AUTS2: variants seen among roughly 807,000 people sequenced by gnomAD.
AUTS2 encodes autism susceptibility gene 2 protein.
Under a neutral mutation model 112.4 loss-of-function variants are expected in AUTS2, and 17 were observed. That is an observed-to-expected ratio of 0.15 (90% CI 0.10 to 0.23). The LOEUF (loss-of-function observed/expected upper bound fraction) is 0.23, where lower values mean the gene tolerates loss of function less well. AUTS2 is among the 10% of genes least tolerant of loss of function. The pLI is 1.00. For synonymous variants in AUTS2, 751 were observed against 702.7 expected, an observed-to-expected ratio of 1.07 and a Z score of -1.09; for missense variants, 1,510 against 1,701.6, an observed-to-expected ratio of 0.89 and a Z score of 1.98.
At chr7:69,623,067 C>G (rs1326540388) in intron 1 of AUTS2, among the ~76,000 whole-genome samples, 1 of 152,164 alleles carries the variant, frequency 6.6e-6, no homozygotes, top group Non-Finnish European at 1.5e-5. Flanking sequence ...ATTTGCACAT[C>G]ACAAGTTCTT....
intron 4 of AUTS2, among the ~76,000 whole-genome samples, chr7:70,159,385 A>G (rs1258891604): frequency 6.6e-6 from 1 of 152,204 alleles, no homozygotes; most frequent in Non-Finnish European, 1.5e-5. Context: ...CTGATTTTGT[A>G]TGTCAATCAA....
At chr7:70,040,057 A>G (rs1204556945) in intron 2 of AUTS2, among the ~76,000 whole-genome samples, 2 of 152,214 alleles carry the variant, frequency 1.3e-5, no homozygotes, top group African/African-American at 4.8e-5. Flanking sequence ...AGTGGTTGCT[A>G]GGAGTTGGGG....
intron 5 of AUTS2, among the ~76,000 whole-genome samples, chr7:70,586,359 T>C (rs1045950921): frequency 6.6e-6 from 1 of 152,190 alleles, no homozygotes; most frequent in Non-Finnish European, 1.5e-5. Context: ...TGTATTCTTA[T>C]GTTATCCTAT....
chr7:70,324,380 A>T (rs1790390966), intron 4 of AUTS2, among the ~76,000 whole-genome samples: 2 of 152,194 alleles, frequency 1.3e-5, no homozygotes, highest in South Asian at 4.1e-4. Flanking sequence ...CATTGAAAAA[A>T]AATTGCCAAG....
In AUTS2 at chr7:69,677,629, G is replaced by A. The variant is rs549387839; in HGVS notation, c.309+77667G>A. Among the ~76,000 whole-genome samples, 7 of 152,258 alleles carry A rather than the reference G, an allele frequency of 4.6e-5. No individual in the cohort carries two copies. The South Asian group carries it at 8.3e-4, about 18-fold the overall frequency. ...ATGATCTAATCTGGGTTTGAGTTTC[G>A]TTTTTGAAGTCACCAGTTTTTATTT... On this transcript the variant is annotated intron_variant, in intron 1 of 18. Transcript: ENST00000342771.
chr7:69,876,349 A>AAT (rs61416382), intron 1 of AUTS2, among the ~76,000 whole-genome samples: 2,649 of 29,466 alleles, frequency 0.09, 135 homozygotes, highest in Non-Finnish European at 0.1. Context: ...AAAAAAAAAA[A>AAT]ATATATATAT....
intron 4 of AUTS2, chr7:70,290,744 A>G (rs1411877333): frequency 9.0e-6 from 9 of 1,003,156 alleles, no homozygotes; most frequent in Non-Finnish European, 1.2e-5. Flanking sequence ...GCATTAAGCT[A>G]TGACTGTAAC....
intron 5 of AUTS2, among the ~76,000 whole-genome samples, chr7:70,584,660 C>T (rs756855840): frequency 6.6e-6 from 1 of 152,230 alleles, no homozygotes; most frequent in African/African-American, 2.4e-5. Context: ...AGAGACAGGC[C>T]GAGAACGCCA....
intron 2 of AUTS2, among the ~76,000 whole-genome samples, chr7:70,086,981 C>T: frequency 1.3e-5 from 2 of 150,008 alleles, no homozygotes; most frequent in East Asian, 2.0e-4. Context: ...TATTATTGCA[C>T]TGGCTGCAAT....
At chr7:70,233,267 T>C (rs1259105014) in intron 4 of AUTS2, among the ~76,000 whole-genome samples, 1 of 152,226 alleles carries the variant, frequency 6.6e-6, no homozygotes, top group African/African-American at 2.4e-5. Flanking sequence ...TGTGCACTTA[T>C]GCTCATTCAC....
intron 5 of AUTS2, among the ~76,000 whole-genome samples, chr7:70,528,220 C>T (rs1048847956): frequency 4.8e-4 from 71 of 147,184 alleles, no homozygotes; most frequent in African/African-American, 1.7e-3. Context: ...CAGTGATTGA[C>T]CATGGGTCAA....
At chr7:70,685,953 C>T (rs1808454819) in intron 5 of AUTS2, among the ~76,000 whole-genome samples, 1 of 152,202 alleles carries the variant, frequency 6.6e-6, no homozygotes, top group Admixed American at 6.5e-5. Flanking sequence ...ATGGCTACAG[C>T]TCTTAATTTA....
chr7:69,941,072 G>T (rs545469925), intron 2 of AUTS2, among the ~76,000 whole-genome samples: 3 of 152,130 alleles, frequency 2.0e-5, no homozygotes, highest in South Asian at 2.1e-4. Flanking sequence ...ACACATGCAC[G>T]CAAGCATGTA....
chr7:69,717,676 G>A (rs936858573), intron 1 of AUTS2, among the ~76,000 whole-genome samples: 5 of 152,202 alleles, frequency 3.3e-5, no homozygotes, highest in African/African-American at 1.2e-4. Flanking sequence ...TGTGCTTTGT[G>A]AAGGGGGTGG....
At chr7:70,331,542 C>G (rs1203014948) in intron 4 of AUTS2, among the ~76,000 whole-genome samples, 1 of 128,450 alleles carries the variant, frequency 7.8e-6, no homozygotes, top group Non-Finnish European at 1.7e-5. Flanking sequence ...AAGGGTTTTT[C>G]ATGTCTCTAT....
chr7:69,708,644 C>G (rs1798172847), intron 1 of AUTS2, among the ~76,000 whole-genome samples: 1 of 152,298 alleles, frequency 6.6e-6, no homozygotes, highest in East Asian at 1.9e-4. Flanking sequence ...TAAATTAGGT[C>G]AGAGTTAGTA....
chr7:70,785,270 T>G lies in AUTS2; in HGVS notation c.2224+251T>G, dbSNP rs1463469173. ...GTGGTTCTGCCTGAACTTCCCATGG[T>G]GCAGTGGGTGAGAGCCATTCCTTGG... On this transcript the variant is annotated intron_variant, in intron 16 of 18. Transcript: ENST00000342771. 4.9e-6 allele frequency: 3 copies of G among 618,454 alleles called. No individual in the cohort carries two copies. The African/African-American group carries it at 5.4e-5, about 11-fold the overall frequency. The allele number at this position is 618,454 out of a possible 1,614,324, so 38.3% of individuals were successfully genotyped here.
intron 2 of AUTS2, among the ~76,000 whole-genome samples, chr7:70,001,709 TA>T (rs1401814657): frequency 5.1e-4 from 73 of 142,368 alleles, no homozygotes; most frequent in African/African-American, 1.5e-3. Flanking sequence ...CTCATTGTCA[TA>T]TTTTTTTTTT....
intron 2 of AUTS2, among the ~76,000 whole-genome samples, chr7:70,103,004 A>G (rs1435949665): frequency 1.3e-5 from 2 of 152,230 alleles, no homozygotes; most frequent in East Asian, 1.9e-4. Flanking sequence ...TTGTAAAAAT[A>G]TCATTAAGGT....
Sources: gnomAD v4.1 joint callset for allele counts (sites outside exome capture counted in the v4.1 genomes callset) on GRCh38, gnomAD v4.1.1 for gene constraint, MANE v1.5 for transcripts, NCBI Gene and HGNC (gene_info 2026-07-23, HGNC 2026-07-21) for gene names.